DLGAP1: variants seen among roughly 807,000 people sequenced by gnomAD.
The protein encoded by DLGAP1 is disks large-associated protein 1.
DLGAP1 carries 11 observed loss-of-function variants against 90.8 expected under a neutral mutation model. That is an observed-to-expected ratio of 0.12 (90% CI 0.08 to 0.20). The LOEUF (loss-of-function observed/expected upper bound fraction) is 0.20. Among genes scored for constraint, DLGAP1 ranks in the 10% least tolerant of loss-of-function variants. The pLI, the probability that DLGAP1 is intolerant of heterozygous loss-of-function variation, is 1.00. For missense variants in DLGAP1, 1,050 were observed against 1,333.8 expected, an observed-to-expected ratio of 0.79 and a Z score of 3.31; for synonymous variants, 558 against 540.7, an observed-to-expected ratio of 1.03 and a Z score of -0.44.
intron 1 of DLGAP1, among the ~76,000 whole-genome samples, chr18:4,336,121 C>A (rs28688491): frequency 6.6e-6 from 1 of 152,062 alleles, no homozygotes; most frequent in Non-Finnish European, 1.5e-5. Flanking sequence ...GTGCACGTGC[C>A]GACAATGCCC....
chr18:4,269,819 T>C (rs1267827656), intron 1 of DLGAP1, among the ~76,000 whole-genome samples: 2 of 152,200 alleles, frequency 1.3e-5, no homozygotes, highest in Admixed American at 6.5e-5. Context: ...ATCTAGAAAA[T>C]GCTAGGGCTG....
chr18:4,030,246 C>T (rs748421131), intron 2 of DLGAP1, among the ~76,000 whole-genome samples: 8 of 152,078 alleles, frequency 5.3e-5, no homozygotes, highest in African/African-American at 1.2e-4. Context: ...CCGCCTTAGC[C>T]CAGAAAATAT....
Position 4,320,979 on chromosome 18 carries a change from G to GAGTA in DLGAP1, c.-267+134023_-267+134026dup, listed in dbSNP as rs1598893564. 2.0e-5 allele frequency among the ~76,000 whole-genome samples: 3 copies of GAGTA among 152,076 alleles called. No individual in the cohort carries two copies. The East Asian group carries it at 5.8e-4, about 29-fold the overall frequency. On this transcript the variant is annotated intron_variant, in intron 1 of 12. Coordinates refer to ENST00000315677, the MANE Select transcript of DLGAP1 (RefSeq NM_004746.4). ...TCAGGATGGAAAAATAGACATTTTT[G>GAGTA]AGTAAATATCTCTAAGTGCAAATGA...
rs2049741510 is a variant in DLGAP1, at chr18:3,497,722, G to C, written c.*1463C>G. 1 of 152,224 alleles carries C rather than the reference G, an allele frequency of 6.6e-6. No homozygotes were observed. The highest frequency in any genetic ancestry group is 2.4e-5 in the African/African-American group (1 of 41,462). 9.4% of individuals were successfully genotyped at this position (152,224 alleles called of 1,614,324 possible). A position where few individuals can be genotyped will look rare whatever the true frequency, so the allele number is the denominator to read the frequency against. ...ATCCTAAGTGTTTAAACTGTGACGA[G>C]TAAGGGCATTTAAAGACAACTTCAG... On this transcript the variant is annotated 3_prime_UTR_variant, in exon 13 of 13. Transcript: ENST00000315677.
At chr18:3,759,298 G>A in intron 5 of DLGAP1, among the ~76,000 whole-genome samples, 1 of 151,820 alleles carries the variant, frequency 6.6e-6, no homozygotes, top group East Asian at 1.9e-4. Flanking sequence ...TTTGGTTGGG[G>A]ATTTCTGAAT....
At chr18:3,710,986 A>T (rs1481398396) in intron 7 of DLGAP1, among the ~76,000 whole-genome samples, 5 of 152,224 alleles carry the variant, frequency 3.3e-5, no homozygotes, top group Non-Finnish European at 4.4e-5. Flanking sequence ...CAGAGGTCAG[A>T]GGGCAGGGCT....
intron 3 of DLGAP1, among the ~76,000 whole-genome samples, chr18:3,917,123 T>G (rs2148904637): frequency 6.6e-6 from 1 of 152,334 alleles, no homozygotes; most frequent in Non-Finnish European, 1.5e-5. Context: ...TCTGAGCACA[T>G]TTAAGTAGGT....
chr18:4,297,768 C>G (rs2080019737), intron 1 of DLGAP1, among the ~76,000 whole-genome samples: 1 of 152,122 alleles, frequency 6.6e-6, no homozygotes, highest in Non-Finnish European at 1.5e-5. Flanking sequence ...CTCAATCTCT[C>G]TCTCTCTCTT....
intron 3 of DLGAP1, among the ~76,000 whole-genome samples, chr18:3,984,992 C>T (rs1445660434): frequency 6.6e-6 from 1 of 152,076 alleles, no homozygotes; most frequent in East Asian, 1.9e-4. Flanking sequence ...TTATTTCCAC[C>T]CTCATTGTTT....
At chr18:3,663,059 G>A (rs1266310202) in intron 7 of DLGAP1, among the ~76,000 whole-genome samples, 6 of 152,060 alleles carry the variant, frequency 3.9e-5, no homozygotes, top group Non-Finnish European at 5.9e-5. Flanking sequence ...ATATTCTGAG[G>A]TCAGGAGTTC....
At chr18:3,678,876 T>C (rs1422059111) in intron 7 of DLGAP1, among the ~76,000 whole-genome samples, 1 of 152,214 alleles carries the variant, frequency 6.6e-6, no homozygotes, top group East Asian at 1.9e-4. Flanking sequence ...CAAATGCATG[T>C]GTGGGATGTG....
intron 2 of DLGAP1, among the ~76,000 whole-genome samples, chr18:4,092,812 G>A (rs1384214772): frequency 6.6e-6 from 1 of 152,140 alleles, no homozygotes; most frequent in Non-Finnish European, 1.5e-5. Context: ...AAGGTCTGTG[G>A]AAAAGAGCCT....
intron 7 of DLGAP1, among the ~76,000 whole-genome samples, chr18:3,678,087 G>A (rs1322276758): frequency 1.3e-5 from 2 of 149,070 alleles, no homozygotes; most frequent in Non-Finnish European, 1.5e-5. Context: ...TCAGCCTCCC[G>A]AGTAGCTGGG....
At chr18:3,692,672 TTA>T (rs1229044263) in intron 7 of DLGAP1, among the ~76,000 whole-genome samples, 1 of 152,226 alleles carries the variant, frequency 6.6e-6, no homozygotes, top group African/African-American at 2.4e-5. Context: ...ACTCAGTACT[TTA>T]AAGATTCAAA....
chr18:4,285,720 G>C (rs649635), intron 1 of DLGAP1, among the ~76,000 whole-genome samples: 97,465 of 151,988 alleles, frequency 0.64, 33,439 homozygotes, highest in East Asian at 0.79. Flanking sequence ...ACAGGTTGAC[G>C]TTTGCCTTAT....
At chr18:4,389,129 A>G (rs1163666615) in intron 1 of DLGAP1, among the ~76,000 whole-genome samples, 1 of 152,214 alleles carries the variant, frequency 6.6e-6, no homozygotes, top group Non-Finnish European at 1.5e-5. Flanking sequence ...TGATGGATGA[A>G]TGGATGAACA....
At chr18:3,967,672 T>C (rs1330121747) in intron 3 of DLGAP1, among the ~76,000 whole-genome samples, 1 of 152,236 alleles carries the variant, frequency 6.6e-6, no homozygotes, top group Non-Finnish European at 1.5e-5. Flanking sequence ...GTAATGGTAG[T>C]ATTGATCACT....
chr18:4,169,868 A>G (rs1421177759), intron 1 of DLGAP1, among the ~76,000 whole-genome samples: 2 of 152,234 alleles, frequency 1.3e-5, no homozygotes, highest in African/African-American at 2.4e-5. Context: ...GAGCTTAGGA[A>G]TCAGAGCCTG....
chr18:3,768,614 C>T (rs1224723588), intron 5 of DLGAP1, among the ~76,000 whole-genome samples: 1 of 152,090 alleles, frequency 6.6e-6, no homozygotes, highest in East Asian at 1.9e-4. Context: ...ACCAGTGCAA[C>T]AGAATGGAGA....
Sources: gnomAD v4.1 joint callset for allele counts (sites outside exome capture counted in the v4.1 genomes callset) on GRCh38, gnomAD v4.1.1 for gene constraint, MANE v1.5 for transcripts, NCBI Gene and HGNC (gene_info 2026-07-23, HGNC 2026-07-21) for gene names.